Variants in JAM3 observed in about 807,000 individuals in gnomAD.
JAM3 encodes junctional adhesion molecule 3.
Under a neutral mutation model 39.4 loss-of-function variants are expected in JAM3, and 31 were observed. The observed-to-expected ratio is 0.79, with a 90% CI of 0.59 to 1.06. JAM3 has a LOEUF of 1.06. JAM3 is among the 50% of genes least tolerant of loss of function. The pLI is 0.00. For missense variants in JAM3, 455 were observed against 391.4 expected (o/e 1.16, Z -1.37); for synonymous variants, 182 against 148.7 (o/e 1.22, Z -1.63).
At chr11:134,073,423 G>T (rs553115379) in intron 1 of JAM3, among the ~76,000 whole-genome samples, 52 of 152,236 alleles carry the variant, frequency 3.4e-4, no homozygotes, top group African/African-American at 1.3e-3. Flanking sequence ...GTTTCCCAAG[G>T]TTTCTATGGT....
intron 1 of JAM3, among the ~76,000 whole-genome samples, chr11:134,097,298 T>C (rs1942001183): frequency 6.6e-6 from 1 of 152,208 alleles, no homozygotes; most frequent in Admixed American, 6.5e-5. Flanking sequence ...TTGGCAAATT[T>C]TGGAAACAGT....
chr11:134,094,919 C>A (rs1941950700), intron 1 of JAM3, among the ~76,000 whole-genome samples: 1 of 152,180 alleles, frequency 6.6e-6, no homozygotes, highest in South Asian at 2.1e-4. Context: ...GAATAAATGA[C>A]TGAATATATT....
intron 1 of JAM3, among the ~76,000 whole-genome samples, chr11:134,085,953 G>A (rs560259057): frequency 1.6e-3 from 248 of 152,246 alleles, no homozygotes; most frequent in Non-Finnish European, 3.2e-3. Flanking sequence ...CCATGGATGA[G>A]TTTGTATGTT....
chr11:134,106,764 C>A (rs937327012), intron 1 of JAM3, among the ~76,000 whole-genome samples: 4 of 152,200 alleles, frequency 2.6e-5, no homozygotes, highest in East Asian at 3.8e-4. Context: ...GATAAATGCA[C>A]ATCAAAACCA....
intron 1 of JAM3, among the ~76,000 whole-genome samples, chr11:134,096,851 C>T (rs1941993871): frequency 1.3e-5 from 2 of 152,250 alleles, no homozygotes; most frequent in East Asian, 1.9e-4. Flanking sequence ...ATAAAGGACT[C>T]CTCAGTTTGT....
intron 1 of JAM3, among the ~76,000 whole-genome samples, chr11:134,093,123 G>A (rs1188997609): frequency 8.1e-6 from 1 of 124,004 alleles, no homozygotes; most frequent in African/African-American, 3.4e-5. Flanking sequence ...AGCTTCTCCT[G>A]AGCCCTCTTT....
rs1038157586 is a variant in JAM3 at position 134,148,651 on chromosome 11, A to G, written c.817A>G (p.Ile273Val). 1.9e-6 allele frequency: 3 copies of G among 1,614,136 alleles called. No individual in the cohort carries two copies. Among genetic ancestry groups the G allele is most frequent in the Admixed American group, 3.3e-5 (2 of 60,022 alleles). ...ICCAYRRGYF[I>V]NNKQDGESYK... is the part of the protein sequence containing the mutation. ...CTGTGCATACAGACGTGGCTACTTC[A>G]TCAACAATAAACAGGATGGAGAAAG... The change falls in exon 7 of 9, where the codon ATC (isoleucine) becomes GTC (valine). Residue 273 changes from isoleucine to valine, a missense_variant. Ile to Val is a conservative substitution (Grantham distance 29, BLOSUM62 3). Transcript: ENST00000299106.
intron 1 of JAM3, among the ~76,000 whole-genome samples, chr11:134,084,482 A>C (rs1349035757): frequency 6.6e-6 from 1 of 152,260 alleles, no homozygotes; most frequent in Non-Finnish European, 1.5e-5. Context: ...AAAAGTAACA[A>C]AAATAACACA....
chr11:134,116,784 G>A (rs1192168814), intron 1 of JAM3, among the ~76,000 whole-genome samples: 4 of 151,882 alleles, frequency 2.6e-5, no homozygotes, highest in African/African-American at 7.2e-5. Context: ...TTATATCCAC[G>A]TATACACACA....
At chr11:134,074,946 C>A (rs1342874516) in intron 1 of JAM3, among the ~76,000 whole-genome samples, 3 of 150,454 alleles carry the variant, frequency 2.0e-5, no homozygotes, top group African/African-American at 7.3e-5. Context: ...GTGCAGCTGC[C>A]TGGAAGCTTA....
chr11:134,109,240 G>T (rs1411159716), intron 1 of JAM3, among the ~76,000 whole-genome samples: 2 of 152,180 alleles, frequency 1.3e-5, no homozygotes, highest in African/African-American at 2.4e-5. Context: ...GGGATTACAG[G>T]CGTGAGCCAC....
intron 1 of JAM3, among the ~76,000 whole-genome samples, chr11:134,118,405 T>C (rs1337719294): frequency 6.6e-6 from 1 of 152,140 alleles, no homozygotes; most frequent in Non-Finnish European, 1.5e-5. Context: ...ACTGAGCCCA[T>C]GGTGAGTCAA....
At chr11:134,112,824 G>A (rs1942343338) in intron 1 of JAM3, among the ~76,000 whole-genome samples, 1 of 152,178 alleles carries the variant, frequency 6.6e-6, no homozygotes, top group Non-Finnish European at 1.5e-5. Flanking sequence ...TCGTGTAAGA[G>A]GATATGACCT....
At chr11:134,089,757 C>T (rs1336533437) in intron 1 of JAM3, among the ~76,000 whole-genome samples, 4 of 152,130 alleles carry the variant, frequency 2.6e-5, no homozygotes, top group African/African-American at 7.2e-5. Context: ...TGAATAGTGT[C>T]GCAGTAAACA....
At chr11:134,139,752 A>G in intron 1 of JAM3, 99 bp from the exon 2 acceptor site, 1 of 898,222 alleles carries the variant, frequency 1.1e-6, no homozygotes, top group Non-Finnish European at 1.9e-6. Flanking sequence ...TGTGGTTAGT[A>G]ACCATAGCCT....
intron 1 of JAM3, among the ~76,000 whole-genome samples, chr11:134,130,710 C>G (rs967882506): frequency 2.0e-5 from 3 of 152,192 alleles, no homozygotes; most frequent in African/African-American, 7.2e-5. Context: ...GGCATAGTAG[C>G]TGATTTGGTC....
At chr11:134,139,794 G>C in intron 1 of JAM3, 57 bp from the exon 2 acceptor site, 1 of 1,394,276 alleles carries the variant, frequency 7.2e-7, no homozygotes, top group Non-Finnish European at 1.0e-6. Flanking sequence ...CTCAGTGCAA[G>C]GTTTCTCTGC....
intron 1 of JAM3, among the ~76,000 whole-genome samples, chr11:134,087,949 T>C (rs1041959545): frequency 1.3e-5 from 2 of 152,162 alleles, no homozygotes; most frequent in Non-Finnish European, 2.9e-5. Context: ...GGCCTCTAAA[T>C]ACAAGTGGCA....
chr11:134,132,647 C>G (rs1312419693), intron 1 of JAM3, among the ~76,000 whole-genome samples: 1 of 152,146 alleles, frequency 6.6e-6, no homozygotes, highest in Non-Finnish European at 1.5e-5. Flanking sequence ...TTGGGCAGGC[C>G]TTGTTAAGGA....
Sources: gnomAD v4.1 joint callset for allele counts (sites outside exome capture counted in the v4.1 genomes callset) on GRCh38, gnomAD v4.1.1 for gene constraint, MANE v1.5 for transcripts, NCBI Gene and HGNC (gene_info 2026-07-23, HGNC 2026-07-21) for gene names.